The following DYM variants were observed in gnomAD, a reference collection of about 807,000 sequenced individuals.
DYM encodes the protein dyggve-Melchior-Clausen syndrome protein.
Under a neutral mutation model 93.1 loss-of-function variants are expected in DYM, and 78 were observed. The observed-to-expected ratio is 0.84, with a 90% CI of 0.70 to 1.01. The LOEUF is 1.01. Among genes scored for constraint, DYM ranks in the 50% least tolerant of loss-of-function variants. DYM has a pLI of 0.00. For missense variants in DYM, 789 were observed against 845.0 expected (o/e 0.93, Z 0.82); for synonymous variants, 321 against 319.7 (o/e 1.00, Z -0.04).
At position 49,213,697 on chromosome 18, in the gene DYM, T is replaced by G. The variant is rs550281627; in HGVS notation, c.1461-3982A>C. Among the ~76,000 whole-genome samples, 35 of 152,352 alleles carry G rather than the reference T, an allele frequency of 2.3e-4. No individual in the cohort carries two copies. In the South Asian group the frequency reaches 6.2e-3, roughly 27 times the overall value. On this transcript the variant is annotated intron_variant, in intron 13 of 17. Transcript: ENST00000675505. ...GAGGCAAGTTAACCTTTACCTAGAC[T>G]GATAAAAATATTCTGTATATCCTTT...
chr18:49,206,011 G>GTTTTTTGT (rs1555800158), intron 14 of DYM: 9 of 135,984 alleles, frequency 6.6e-5, no homozygotes, highest in East Asian at 3.4e-4. Context: ...TTGTTTTTTT[G>GTTTTTTGT]TTTTTTGCGG....
chr18:49,391,433 G>A (rs1393158317), intron 3 of DYM, 160 bp downstream of exon 3: 3 of 707,034 alleles, frequency 4.2e-6, no homozygotes, highest in Non-Finnish European at 7.5e-6. Flanking sequence ...ATTGACTGAA[G>A]GGTACCTTCT....
intron 11 of DYM, among the ~76,000 whole-genome samples, chr18:49,261,951 TTG>T (rs75334278): frequency 0.076 from 11,579 of 152,214 alleles, 713 homozygotes; most frequent in East Asian, 0.31. Context: ...CAGCATTCCT[TTG>T]TGTGTTTTCT....
At chr18:49,405,009 T>C (rs1464646062) in intron 2 of DYM, among the ~76,000 whole-genome samples, 1 of 102,350 alleles carries the variant, frequency 9.8e-6, no homozygotes, top group African/African-American at 3.4e-5. Flanking sequence ...TGAGACTCCA[T>C]CTCAAAAAAA....
chr18:49,398,848 G>A (rs202246185), intron 2 of DYM, among the ~76,000 whole-genome samples: 1 of 152,098 alleles, frequency 6.6e-6, no homozygotes, highest in African/African-American at 2.4e-5. Flanking sequence ...TGAATTACTC[G>A]GTTTATTGGT....
At chr18:49,338,546 T>C (rs1483262560) in intron 6 of DYM, among the ~76,000 whole-genome samples, 1 of 152,234 alleles carries the variant, frequency 6.6e-6, no homozygotes, top group Non-Finnish European at 1.5e-5. Flanking sequence ...AACAGCATGG[T>C]ATTTGTATAA....
Position 49,219,109 on chromosome 18 carries a change from C to G in DYM, c.1461-9394G>C, listed in dbSNP as rs919102757. 1.3e-5 allele frequency among the ~76,000 whole-genome samples: 2 copies of G among 152,182 alleles called. 1 individual carries two copies. The highest frequency in any genetic ancestry group is 1.3e-4 in the Admixed American group (2 of 15,276). ...ATCCCACAGAAATACAAACTACCAT[C>G]AGAGAATACTACAAACACCTCTACG... On this transcript the variant is annotated intron_variant, in intron 13 of 17. Coordinates refer to ENST00000675505, the MANE Select transcript of DYM (RefSeq NM_001353214.3).
At chr18:49,418,124 CTA>C (rs911661802) in intron 2 of DYM, 6 of 146,814 alleles carry the variant, frequency 4.1e-5, no homozygotes, top group African/African-American at 1.5e-4. Flanking sequence ...ATCCAGCTAA[CTA>C]TTATAGCCTG....
intron 6 of DYM, among the ~76,000 whole-genome samples, chr18:49,342,465 G>T (rs1454219944): frequency 3.9e-5 from 6 of 152,148 alleles, no homozygotes; most frequent in African/African-American, 1.4e-4. Context: ...TACATCTTTG[G>T]GGTTTGGAAT....
At chr18:49,129,021 C>G (rs144167836) in intron 15 of DYM, among the ~76,000 whole-genome samples, 3 of 151,834 alleles carry the variant, frequency 2.0e-5, no homozygotes, top group Non-Finnish European at 1.5e-5. Flanking sequence ...AGACCTATGA[C>G]GCTTGATGCC....
rs530679058 is a variant in DYM, at chr18:49,099,863, T to C, written c.1912-2348A>G. ...TCATCACTGTTTTTCCCTTGTAATG[T>C]GGCACTTGTTCCAGGAGGAGGGGGA... On this transcript the variant is annotated intron_variant, in intron 16 of 17. Coordinates refer to ENST00000675505, the MANE Select transcript of DYM (RefSeq NM_001353214.3). Among the ~76,000 whole-genome samples, 3 of 152,342 alleles carry C rather than the reference T, an allele frequency of 2.0e-5. No individual in the cohort carries two copies. The South Asian group carries it at 6.2e-4, about 32-fold the overall frequency.
intron 3 of DYM, among the ~76,000 whole-genome samples, chr18:49,385,054 A>T (rs1312665404): frequency 1.3e-5 from 2 of 152,062 alleles, no homozygotes; most frequent in Admixed American, 6.5e-5. Flanking sequence ...TAAAGGAAAA[A>T]GTCTCATGAA....
At chr18:49,155,850 A>G (rs937589720) in intron 15 of DYM, among the ~76,000 whole-genome samples, 4 of 152,176 alleles carry the variant, frequency 2.6e-5, no homozygotes, top group African/African-American at 9.7e-5. Flanking sequence ...ATTTTTGGCT[A>G]TTGCAAATAA....
At chr18:49,256,971 C>T in intron 13 of DYM, 39 bp downstream of exon 13, 1 of 1,538,426 alleles carries the variant, frequency 6.5e-7, no homozygotes, top group Non-Finnish European at 9.0e-7. Context: ...ATAGCTCAGC[C>T]AGAGGCAAAT....
intron 2 of DYM, among the ~76,000 whole-genome samples, chr18:49,400,451 A>G (rs2070686570): frequency 6.6e-6 from 1 of 152,142 alleles, no homozygotes; most frequent in South Asian, 2.1e-4. Context: ...TCAACACTTT[A>G]GAGCAGAAGC....
At chr18:49,289,727 G>GTATATATATA (rs386387632) in intron 8 of DYM, among the ~76,000 whole-genome samples, 70 of 85,048 alleles carry the variant, frequency 8.2e-4, no homozygotes, top group Non-Finnish European at 8.2e-4. Flanking sequence ...ATATATATGT[G>GTATATATATA]TATATATATA....
chr18:49,382,500 A>G (rs1291984662), intron 3 of DYM, among the ~76,000 whole-genome samples: 2 of 152,250 alleles, frequency 1.3e-5, no homozygotes, highest in African/African-American at 4.8e-5. Context: ...ATTTTACATG[A>G]TCACAGTTAA....
intron 13 of DYM, among the ~76,000 whole-genome samples, chr18:49,239,528 C>T (rs772177044): frequency 6.6e-6 from 1 of 152,204 alleles, no homozygotes; most frequent in African/African-American, 2.4e-5. Flanking sequence ...ATGTAACATT[C>T]AGGGATAGCT....
At chr18:49,236,834 C>T (rs2093882203) in intron 13 of DYM, among the ~76,000 whole-genome samples, 1 of 152,176 alleles carries the variant, frequency 6.6e-6, no homozygotes, top group African/African-American at 2.4e-5. Flanking sequence ...TAGTCCAAAC[C>T]ATCTGCTCTT....
Sources: allele counts gnomAD v4.1 joint callset (sites outside exome capture counted in the v4.1 genomes callset), GRCh38; gene constraint gnomAD v4.1.1; transcripts MANE v1.5; gene names NCBI Gene and HGNC (gene_info 2026-07-23, HGNC 2026-07-21).